The following SLC44A5 variants were observed in gnomAD, a reference collection of about 807,000 sequenced individuals.
SLC44A5 encodes the protein solute carrier family 44 member 5.
Under a neutral mutation model 101.8 loss-of-function variants are expected in SLC44A5, and 57 were observed. The ratio of observed to expected loss-of-function variants is 0.56; its 90% CI spans 0.45 to 0.70. The LOEUF is 0.70. Among genes scored for constraint, SLC44A5 ranks in the 30% least tolerant of loss-of-function variants. The pLI, the probability that SLC44A5 is intolerant of heterozygous loss-of-function variation, is 0.00. For synonymous variants in SLC44A5, 281 were observed against 290.9 expected (o/e 0.97, Z 0.35); for missense variants, 737 against 853.1 (o/e 0.86, Z 1.70).
chr1:75,231,953 C>G (rs1027176036), intron 12 of SLC44A5, among the ~76,000 whole-genome samples: 6 of 152,240 alleles, frequency 3.9e-5, no homozygotes, highest in East Asian at 1.9e-4. Context: ...TTGTTATTTG[C>G]TCTAGTAAAT....
the SLC44A5 span, among the ~76,000 whole-genome samples, chr1:75,676,652 T>C: frequency 2.0e-5 from 3 of 152,190 alleles, no homozygotes; most frequent in Non-Finnish European, 4.4e-5. Flanking sequence ...ACACATTTAC[T>C]TAGGTAACAA....
intron 3 of SLC44A5, among the ~76,000 whole-genome samples, chr1:75,365,019 T>G (rs1314276787): frequency 6.6e-6 from 1 of 152,182 alleles, no homozygotes; most frequent in African/African-American, 2.4e-5. Flanking sequence ...CATTTAAAGT[T>G]GACAAGTTAG....
intron 2 of SLC44A5, among the ~76,000 whole-genome samples, chr1:75,507,068 A>T (rs1371565501): frequency 1.3e-5 from 2 of 151,632 alleles, no homozygotes; most frequent in Non-Finnish European, 2.9e-5. Context: ...ATGCCCAGCT[A>T]ATTTTTGCAT....
intron 2 of SLC44A5, among the ~76,000 whole-genome samples, chr1:75,412,226 T>G (rs1237358756): frequency 1.3e-5 from 2 of 152,176 alleles, no homozygotes; most frequent in Non-Finnish European, 2.9e-5. Context: ...CTCCAGCGTA[T>G]AACACAGTGC....
At chr1:75,223,941 T>C (rs1297571308) in intron 13 of SLC44A5, among the ~76,000 whole-genome samples, 1 of 152,192 alleles carries the variant, frequency 6.6e-6, no homozygotes, top group African/African-American at 2.4e-5. Context: ...ATAATACATG[T>C]AAGAGTCACT....
At chr1:75,349,810 T>TA (rs1368872291) in intron 3 of SLC44A5, among the ~76,000 whole-genome samples, 1 of 152,136 alleles carries the variant, frequency 6.6e-6, no homozygotes, top group Non-Finnish European at 1.5e-5. Context: ...TGGTATTATT[T>TA]AAAAAAAGGG....
At chr1:75,365,925 C>G (rs1192259376) in intron 3 of SLC44A5, among the ~76,000 whole-genome samples, 2 of 152,128 alleles carry the variant, frequency 1.3e-5, no homozygotes, top group African/African-American at 2.4e-5. Flanking sequence ...CTTCACTACT[C>G]TCACCTGTAT....
At chr1:75,684,729 A>G in the SLC44A5 span, among the ~76,000 whole-genome samples, 5 of 152,274 alleles carry the variant, frequency 3.3e-5, no homozygotes, top group African/African-American at 1.2e-4. Context: ...TGCAGAGTAC[A>G]GACACTCCTG....
At chr1:75,404,949 C>A (rs558071473) in intron 2 of SLC44A5, among the ~76,000 whole-genome samples, 1 of 152,250 alleles carries the variant, frequency 6.6e-6, no homozygotes, top group East Asian at 1.9e-4. Context: ...ATTCAGGAGA[C>A]CCATCTCACG....
intron 2 of SLC44A5, among the ~76,000 whole-genome samples, chr1:75,466,178 A>T (rs1193673103): frequency 6.6e-6 from 1 of 152,232 alleles, no homozygotes; most frequent in East Asian, 1.9e-4. Context: ...GCCATTTGTC[A>T]TGACCAAATG....
At chr1:75,615,910 G>A (rs560958333), upstream of SLC44A5, 1,344 of 985,622 alleles carry the variant, frequency 1.4e-3, 2 homozygotes, top group Non-Finnish European at 1.4e-3. Flanking sequence ...CCCTCCCCCG[G>A]ACCCCCCACG....
the SLC44A5 span, among the ~76,000 whole-genome samples, chr1:75,669,734 C>A: frequency 6.6e-6 from 1 of 152,034 alleles, no homozygotes; most frequent in African/African-American, 2.4e-5. Flanking sequence ...AAACACCAGA[C>A]ACATACAAAC....
At chr1:75,322,050 A>T (rs1217556230) in intron 4 of SLC44A5, among the ~76,000 whole-genome samples, 1 of 152,200 alleles carries the variant, frequency 6.6e-6, no homozygotes, top group African/African-American at 2.4e-5. Context: ...GTGGTGGCTC[A>T]CGTCTGGAAT....
chr1:75,368,672 C>CA (rs369121504), intron 3 of SLC44A5, among the ~76,000 whole-genome samples: 13,747 of 147,500 alleles, frequency 0.093, 751 homozygotes, highest in Admixed American at 0.19. Context: ...CACACACACA[C>CA]CACACTCAAA....
intron 5 of SLC44A5, among the ~76,000 whole-genome samples, chr1:75,292,322 A>C (rs1038727224): frequency 1.3e-5 from 2 of 152,286 alleles, no homozygotes; most frequent in African/African-American, 4.8e-5. Flanking sequence ...GTTCCTAAAA[A>C]TCGATACAAT....
At chr1:75,714,358 T>C in the SLC44A5 span, among the ~76,000 whole-genome samples, 1 of 152,060 alleles carries the variant, frequency 6.6e-6, no homozygotes, top group Non-Finnish European at 1.5e-5. Flanking sequence ...CTCAACTAAC[T>C]AGGTACTGAA....
intron 2 of SLC44A5, among the ~76,000 whole-genome samples, chr1:75,426,202 T>TA (rs1664297396): frequency 6.6e-6 from 1 of 152,210 alleles, no homozygotes; most frequent in East Asian, 1.9e-4. Flanking sequence ...GGTAGGTTCT[T>TA]ACAAAATTTA....
intron 1 of SLC44A5, among the ~76,000 whole-genome samples, chr1:75,549,358 C>T (rs1671816964): frequency 6.6e-6 from 1 of 152,088 alleles, no homozygotes; most frequent in African/African-American, 2.4e-5. Context: ...TGGCCTGCTC[C>T]ATCATTTAAT....
chr1:75,652,427 T>C, the SLC44A5 span, among the ~76,000 whole-genome samples: 2 of 152,182 alleles, frequency 1.3e-5, no homozygotes, highest in African/African-American at 4.8e-5. Flanking sequence ...AAGGCAAGAA[T>C]TGAGGTTGCT....
Sources: gnomAD v4.1 joint callset for allele counts (sites outside exome capture counted in the v4.1 genomes callset) on GRCh38, gnomAD v4.1.1 for gene constraint, MANE v1.5 for transcripts, NCBI Gene and HGNC (gene_info 2026-07-23, HGNC 2026-07-21) for gene names.